Variants in SLC16A7 observed in about 807,000 individuals in gnomAD.
SLC16A7 encodes monocarboxylate transporter 2.
SLC16A7 carries 33 observed loss-of-function variants against 34.9 expected under a neutral mutation model. The ratio of observed to expected loss-of-function variants is 0.94; its 90% CI spans 0.72 to 1.26. SLC16A7 has a LOEUF of 1.26. Ranked by LOEUF, SLC16A7 falls within the 50% of genes most tolerant of loss-of-function variation. The pLI is 0.00. For missense variants in SLC16A7, 573 were observed against 578.1 expected (o/e 0.99, Z 0.09); for synonymous variants, 201 against 206.6 (o/e 0.97, Z 0.23).
intron 1 of SLC16A7, among the ~76,000 whole-genome samples, chr12:59,612,699 C>G (rs961890636): frequency 1.3e-5 from 2 of 152,076 alleles, no homozygotes; most frequent in Non-Finnish European, 2.9e-5. Flanking sequence ...CACCAGATAC[C>G]CTAAATCATC....
intron 3 of SLC16A7, among the ~76,000 whole-genome samples, chr12:59,767,265 C>T (rs974268833): frequency 1.3e-5 from 2 of 151,748 alleles, no homozygotes; most frequent in African/African-American, 4.8e-5. Flanking sequence ...GCAAGAAATG[C>T]TGATTAGAAA....
At chr12:59,597,486 C>G (rs1267846967) in intron 1 of SLC16A7, among the ~76,000 whole-genome samples, 1 of 152,092 alleles carries the variant, frequency 6.6e-6, no homozygotes, top group Non-Finnish European at 1.5e-5. Flanking sequence ...TGCTTCATGG[C>G]TAACCCCAGT....
At chr12:59,708,907 C>T (rs1245945423) in intron 3 of SLC16A7, among the ~76,000 whole-genome samples, 4 of 151,674 alleles carry the variant, frequency 2.6e-5, no homozygotes, top group Non-Finnish European at 5.9e-5. Flanking sequence ...CATCACATTA[C>T]AGCAATCCAT....
intron 2 of SLC16A7, among the ~76,000 whole-genome samples, chr12:59,704,211 AAAAAAAAG>A (rs1873253069): frequency 7.0e-6 from 1 of 142,586 alleles, no homozygotes; most frequent in Non-Finnish European, 1.5e-5. Flanking sequence ...AAAAAAAAAA[AAAAAAAAG>A]AAAAAGAAAA....
At chr12:59,647,450 G>A (rs887943987) in intron 1 of SLC16A7, among the ~76,000 whole-genome samples, 7 of 152,144 alleles carry the variant, frequency 4.6e-5, no homozygotes, top group African/African-American at 1.7e-4. Context: ...ATGATTGTAA[G>A]TTTCCCAAGG....
At chr12:59,662,350 A>G (rs193255589) in intron 2 of SLC16A7, among the ~76,000 whole-genome samples, 1 of 152,272 alleles carries the variant, frequency 6.6e-6, no homozygotes, top group Admixed American at 6.5e-5. Flanking sequence ...CACAGAATTA[A>G]TAACCTATTC....
At chr12:59,604,018 T>C (rs1411872526) in intron 1 of SLC16A7, among the ~76,000 whole-genome samples, 1 of 152,248 alleles carries the variant, frequency 6.6e-6, no homozygotes, top group Non-Finnish European at 1.5e-5. Context: ...ACAGCTCACA[T>C]GTCTTTTGTT....
At position 59,783,676 on chromosome 12, in the gene SLC16A7, A is replaced by C. The variant is rs1883411858; in HGVS notation, c.*3997A>C. 8.1e-6 allele frequency: 1 copy of C among 122,946 alleles called. No homozygotes were observed. Among genetic ancestry groups the C allele is most frequent in the Admixed American group, 7.7e-5 (1 of 13,052 alleles). 7.6% of individuals were successfully genotyped at this position (122,946 alleles called of 1,614,324 possible). On this transcript the variant is annotated 3_prime_UTR_variant, in exon 6 of 6. Transcript: ENST00000547379. The stretch of plus-strand genomic sequence containing the variant: ...TTCTTTTTTTTTTTTTTTGAGACTG[A>C]GTCTCGTTCTTGTCGCCCAGGCTGG...
Position 59,779,782 on chromosome 12 carries a change from A to G in SLC16A7, c.*103A>G, listed in dbSNP as rs1883109021. 1 of 905,470 alleles carries G rather than the reference A, an allele frequency of 1.1e-6. No individual in the cohort carries two copies. The highest frequency in any genetic ancestry group is 1.6e-6 in the Non-Finnish European group (1 of 608,126). 56.1% of individuals were successfully genotyped at this position (905,470 alleles called of 1,614,324 possible). On this transcript the variant is annotated 3_prime_UTR_variant, in exon 6 of 6. Coordinates refer to ENST00000547379, the MANE Select transcript of SLC16A7 (RefSeq NM_001270623.2). ...AGAAAAGGTTTTAGCTGAAATGAGGAGTCACAATTAAGGATGGAGGTGATA... is the reference window on the plus strand; with the variant it reads ...AGAAAAGGTTTTAGCTGAAATGAGGGGTCACAATTAAGGATGGAGGTGATA...
chr12:59,767,338 C>T (rs1416657136), intron 3 of SLC16A7, among the ~76,000 whole-genome samples: 1 of 151,956 alleles, frequency 6.6e-6, no homozygotes, highest in Non-Finnish European at 1.5e-5. Flanking sequence ...CACTGAACAA[C>T]AGATTGTCAG....
At chr12:59,608,887 A>G (rs1170755662) in intron 1 of SLC16A7, among the ~76,000 whole-genome samples, 1 of 152,350 alleles carries the variant, frequency 6.6e-6, no homozygotes, top group East Asian at 1.9e-4. Context: ...TGTCACCAAC[A>G]AATATTTTAA....
chr12:59,732,048 G>C (rs1453866012), intron 3 of SLC16A7, among the ~76,000 whole-genome samples: 2 of 151,544 alleles, frequency 1.3e-5, no homozygotes, highest in Non-Finnish European at 2.9e-5. Context: ...CAATGAAAAG[G>C]AGCTATGCAT....
chr12:59,606,395 G>A (rs1878940131), intron 1 of SLC16A7, among the ~76,000 whole-genome samples: 5 of 152,118 alleles, frequency 3.3e-5, no homozygotes, highest in Admixed American at 2.6e-4. Flanking sequence ...CTACCACAAA[G>A]AGCAAGACAA....
In SLC16A7 at chr12:59,755,625, G is replaced by T. The variant is rs561289491; in HGVS notation, c.218-15594G>T. Among the ~76,000 whole-genome samples the T allele has an allele frequency of 3.3e-5, 5 of 152,222 alleles. No individual in the cohort carries two copies. In the South Asian group the frequency reaches 1.0e-3, roughly 32 times the overall value. ...TAAAAGAGGATACAAAGAAATGGAA[G>T]AACATTCCATGCTCATGGGTAGGAA... On this transcript the variant is annotated intron_variant, in intron 3 of 5. Coordinates refer to ENST00000547379, the MANE Select transcript of SLC16A7 (RefSeq NM_001270623.2).
chr12:59,781,485 T>C lies in SLC16A7; in HGVS notation c.*1806T>C, dbSNP rs1279129536. 1 of 152,566 alleles carries C rather than the reference T, an allele frequency of 6.6e-6. No homozygotes were observed. The highest frequency in any genetic ancestry group is 2.4e-5 in the African/African-American group (1 of 41,432). The allele number at this position is 152,566 out of a possible 1,614,324, so 9.5% of individuals were successfully genotyped here. A position where few individuals can be genotyped will look rare whatever the true frequency, so the allele number is the denominator to read the frequency against. On this transcript the variant is annotated 3_prime_UTR_variant, in exon 6 of 6. Coordinates refer to ENST00000547379, the MANE Select transcript of SLC16A7 (RefSeq NM_001270623.2). ...TTAATTCACTGCTTAAGCATGTGGC[T>C]CATATTTAGGAAGCTATATAAAATT...
At chr12:59,616,445 T>C (rs1879453294) in intron 1 of SLC16A7, among the ~76,000 whole-genome samples, 1 of 152,156 alleles carries the variant, frequency 6.6e-6, no homozygotes, top group African/African-American at 2.4e-5. Context: ...AGTTCTTATG[T>C]TTTTCTGCAT....
chr12:59,719,999 G>T, intron 3 of SLC16A7: 1 of 672,444 alleles, frequency 1.5e-6, no homozygotes, highest in Non-Finnish European at 2.7e-6. Flanking sequence ...GGGTCTACCT[G>T]ACTTTGAATC....
chr12:59,697,115 C>A (rs770700592), intron 2 of SLC16A7, among the ~76,000 whole-genome samples: 1 of 151,814 alleles, frequency 6.6e-6, no homozygotes, highest in Non-Finnish European at 1.5e-5. Context: ...AAAGCAGGAA[C>A]AATTTAAGTA....
chr12:59,737,831 AC>A (rs1390803142), intron 3 of SLC16A7, among the ~76,000 whole-genome samples: 3 of 152,002 alleles, frequency 2.0e-5, no homozygotes, highest in Non-Finnish European at 2.9e-5. Context: ...TCTTATACCA[AC>A]CCAACAAATG....
Sources: allele counts gnomAD v4.1 joint callset (sites outside exome capture counted in the v4.1 genomes callset), GRCh38; gene constraint gnomAD v4.1.1; transcripts MANE v1.5; gene names NCBI Gene and HGNC (gene_info 2026-07-23, HGNC 2026-07-21).